Variants in ELF1 observed in about 807,000 individuals in gnomAD.
The protein encoded by ELF1 is ETS-related transcription factor Elf-1.
In ELF1, 24 loss-of-function variants were observed where a neutral mutation model predicts 59.9. The observed-to-expected ratio is 0.40, with a 90% CI of 0.29 to 0.56. ELF1 has a LOEUF of 0.56. Among genes scored for constraint, ELF1 ranks in the 20% least tolerant of loss-of-function variants. The probability of loss-of-function intolerance (pLI) is 0.44; values close to 1 mark genes in which losing one functional copy is unlikely to be tolerated. For missense variants in ELF1, 627 were observed against 742.2 expected (o/e 0.84, Z 1.80); for synonymous variants, 248 against 266.2 (o/e 0.93, Z 0.67).
chr13:40,998,935 G>A (rs1006262543), intron 1 of ELF1, among the ~76,000 whole-genome samples: 4 of 152,094 alleles, frequency 2.6e-5, no homozygotes, highest in Admixed American at 6.5e-5. Flanking sequence ...GTAGTCACAG[G>A]TACTCAGAAA....
intron 1 of ELF1, among the ~76,000 whole-genome samples, chr13:41,043,589 G>A (rs1273036025): frequency 6.6e-6 from 1 of 152,134 alleles, no homozygotes; most frequent in Non-Finnish European, 1.5e-5. Flanking sequence ...GTTTTTGTCA[G>A]GTTTTTCAAA....
At chr13:40,936,447 A>T (rs535849721) in intron 8 of ELF1, among the ~76,000 whole-genome samples, 25 of 152,220 alleles carry the variant, frequency 1.6e-4, no homozygotes, top group African/African-American at 6.0e-4. Context: ...CTTCTGTTTA[A>T]ATTAGAAAAA....
At chr13:40,993,898 G>A (rs1874003953) in intron 1 of ELF1, among the ~76,000 whole-genome samples, 1 of 145,416 alleles carries the variant, frequency 6.9e-6, no homozygotes, top group African/African-American at 2.6e-5. Flanking sequence ...AGCACAAATC[G>A]ATTTTTTTTT....
At chr13:41,028,668 C>T (rs887628634) in intron 1 of ELF1, among the ~76,000 whole-genome samples, 1 of 152,096 alleles carries the variant, frequency 6.6e-6, no homozygotes, top group African/African-American at 2.4e-5. Flanking sequence ...TGTGTTCTTT[C>T]CTCTTATTCC....
rs985449981 is a variant in ELF1 at position 41,060,911 on chromosome 13, T to C, written c.-302A>G. ...GCCGCCTCTGCGCTACTGAAGCTGC[T>C]GCTGCCGCCGCCGCCGCCGCCGCCG... On this transcript the variant is annotated 5_prime_UTR_variant, in exon 1 of 2. Transcript: ENST00000405737. The C allele has an allele frequency of 2.6e-4, 68 of 264,488 alleles. 1 individual carries two copies. The highest frequency in any genetic ancestry group is 1.9e-3 in the East Asian group (17 of 8,720). The allele number at this position is 264,488 out of a possible 1,614,324, so 16.4% of individuals were successfully genotyped here. A position where few individuals can be genotyped will look rare whatever the true frequency, so the allele number is the denominator to read the frequency against.
intron 1 of ELF1, among the ~76,000 whole-genome samples, chr13:40,988,839 C>A (rs900049514): frequency 1.3e-5 from 2 of 152,140 alleles, no homozygotes; most frequent in South Asian, 2.1e-4. Context: ...CTTGCTCTAT[C>A]GCTTAGGCTG....
chr13:40,980,260 T>G (rs1232540481), intron 2 of ELF1, among the ~76,000 whole-genome samples: 1 of 152,230 alleles, frequency 6.6e-6, no homozygotes, highest in Non-Finnish European at 1.5e-5. Flanking sequence ...AACCTCTTGA[T>G]ATCTCAATTT....
intron 5 of ELF1, 151 bp from the exon 6 acceptor site, chr13:40,944,076 A>G: frequency 3.0e-6 from 2 of 657,940 alleles, no homozygotes. Flanking sequence ...GCTGTTTACT[A>G]AAAGGAAAAC....
chr13:41,005,601 T>TC (rs1227428893), intron 1 of ELF1, among the ~76,000 whole-genome samples: 2 of 152,006 alleles, frequency 1.3e-5, no homozygotes, highest in Non-Finnish European at 2.9e-5. Flanking sequence ...ACAATTTATA[T>TC]CCCCCAACCA....
intron 1 of ELF1, among the ~76,000 whole-genome samples, chr13:41,032,633 T>G (rs867661650): frequency 6.6e-6 from 1 of 152,136 alleles, no homozygotes; most frequent in Middle Eastern, 3.4e-3. Context: ...AAGTATCACT[T>G]GAGGCAAGGA....
intron 1 of ELF1, among the ~76,000 whole-genome samples, chr13:41,035,450 C>T (rs1049035987): frequency 6.6e-6 from 1 of 151,778 alleles, no homozygotes; most frequent in Non-Finnish European, 1.5e-5. Flanking sequence ...ATTCTCAGGT[C>T]ATTTAGACCA....
At chr13:41,003,618 G>C (rs1039499173) in intron 1 of ELF1, among the ~76,000 whole-genome samples, 50 of 152,006 alleles carry the variant, frequency 3.3e-4, no homozygotes, top group African/African-American at 1.2e-3. Context: ...CAAAAAACTT[G>C]GTGACAACAG....
chr13:41,048,055 T>C (rs192298654), intron 1 of ELF1, among the ~76,000 whole-genome samples: 4 of 152,346 alleles, frequency 2.6e-5, no homozygotes, highest in Admixed American at 2.6e-4. Flanking sequence ...CGAGGGTCTG[T>C]GGGCATGAGG....
chr13:40,943,524 T>C lies in ELF1; in HGVS notation c.613+318A>G, dbSNP rs148559877. 3.9e-3 allele frequency among the ~76,000 whole-genome samples: 600 copies of C among 152,320 alleles called. 5 individuals carry two copies. The highest frequency in any genetic ancestry group is 5.4e-3 in the Non-Finnish European group (364 of 68,022). ...TTTCTTCAAATTTGGGCAACAGTTA[T>C]ACAAATGCTTGAATTTCAAGACAAC... On this transcript the variant is annotated intron_variant, in intron 6 of 8. Coordinates refer to ENST00000239882, the MANE Select transcript of ELF1 (RefSeq NM_172373.4).
chr13:40,956,271 A>G (rs915661504), intron 3 of ELF1, among the ~76,000 whole-genome samples: 12 of 151,646 alleles, frequency 7.9e-5, no homozygotes, highest in African/African-American at 2.4e-4. Context: ...CTGTGACCTT[A>G]CCCCCAACCC....
intron 1 of ELF1, among the ~76,000 whole-genome samples, chr13:40,996,248 C>T (rs1874121641): frequency 6.6e-6 from 1 of 151,610 alleles, no homozygotes; most frequent in South Asian, 2.1e-4. Flanking sequence ...CTTTGGAAGA[C>T]AGTTTGGCAG....
chr13:41,058,225 T>C lies in ELF1; in HGVS notation c.-229+2613A>G, dbSNP rs370075547. Reference sequence around the variant, plus strand: ...TGTTACCTAGTCAAAATTTATCAAGTTAAAATTCCTTTCTACATTCCCAGC... The same window carrying C: ...TGTTACCTAGTCAAAATTTATCAAGCTAAAATTCCTTTCTACATTCCCAGC... On this transcript the variant is annotated intron_variant, in intron 1 of 1. Coordinates refer to the ELF1 transcript ENST00000405737. Among the ~76,000 whole-genome samples, 13 of 152,294 alleles carry C rather than the reference T, an allele frequency of 8.5e-5. No homozygotes were observed. In the South Asian group the frequency reaches 1.7e-3, roughly 19 times the overall value.
At chr13:41,048,412 T>C (rs544947317) in intron 1 of ELF1, among the ~76,000 whole-genome samples, 1 of 152,228 alleles carries the variant, frequency 6.6e-6, no homozygotes, top group Non-Finnish European at 1.5e-5. Flanking sequence ...TTGGCCATCT[T>C]GGAACTGCCT....
At chr13:40,943,188 T>G in intron 6 of ELF1, 44 bp from the exon 7 acceptor site, 1 of 1,431,364 alleles carries the variant, frequency 7.0e-7, no homozygotes, top group Non-Finnish European at 9.3e-7. Context: ...AAATTTCATT[T>G]AAAAGAACCT....
Sources: gnomAD v4.1 joint callset for allele counts (sites outside exome capture counted in the v4.1 genomes callset) on GRCh38, gnomAD v4.1.1 for gene constraint, MANE v1.5 for transcripts, NCBI Gene and HGNC (gene_info 2026-07-23, HGNC 2026-07-21) for gene names.